The following PSTPIP2 variants were observed in gnomAD, a reference collection of about 807,000 sequenced individuals.
PSTPIP2 encodes proline-serine-threonine phosphatase-interacting protein 2.
Under a neutral mutation model 63.3 loss-of-function variants are expected in PSTPIP2, and 33 were observed. The observed-to-expected ratio is 0.52, with a 90% CI of 0.40 to 0.70. PSTPIP2 has a LOEUF of 0.70. Among genes scored for constraint, PSTPIP2 ranks in the 30% least tolerant of loss-of-function variants. The probability of loss-of-function intolerance (pLI) is 0.00; values close to 1 mark genes in which losing one functional copy is unlikely to be tolerated. For missense variants in PSTPIP2, 312 were observed against 400.7 expected, an observed-to-expected ratio of 0.78 and a Z score of 1.89; for synonymous variants, 125 against 132.7, an observed-to-expected ratio of 0.94 and a Z score of 0.40.
chr18:46,032,610 C>A (rs754334828), intron 2 of PSTPIP2, among the ~76,000 whole-genome samples: 1 of 151,848 alleles, frequency 6.6e-6, no homozygotes, highest in Non-Finnish European at 1.5e-5. Flanking sequence ...AAAAAATTAG[C>A]TGGTATGGTA....
intron 1 of PSTPIP2, among the ~76,000 whole-genome samples, chr18:46,053,655 C>A (rs900354843): frequency 3.3e-5 from 5 of 152,162 alleles, no homozygotes; most frequent in Non-Finnish European, 7.3e-5. Context: ...AACTTATACC[C>A]ACACAAACTT....
In PSTPIP2 at chr18:46,069,944, G is replaced by A. The variant is rs549539965; in HGVS notation, c.33+2212C>T. Among the ~76,000 whole-genome samples, 7 of 152,190 alleles carry A rather than the reference G, an allele frequency of 4.6e-5. No individual in the cohort carries two copies. The South Asian group carries it at 1.2e-3, about 27-fold the overall frequency. On this transcript the variant is annotated intron_variant, in intron 1 of 14. Coordinates refer to ENST00000409746, the MANE Select transcript of PSTPIP2 (RefSeq NM_024430.4). ...ACTTCTTTTACTTGTCACCTCTACT[G>A]CTGATAATAATAGCTGGCAACTATA...
chr18:45,990,726 T>C lies in PSTPIP2; in HGVS notation c.951A>G (p.Ser317=), dbSNP rs754908319. 2 of 1,604,708 alleles carry C rather than the reference T, an allele frequency of 1.2e-6. No homozygotes were observed. The highest frequency in any genetic ancestry group is 2.2e-5 in the South Asian group (2 of 90,758). Reference sequence around the variant, plus strand: ...AGACCTTTTTTAGTGGCATACCTGGTGAGCTTTTAGGAATTGGGAGGGGTC... The same window carrying C: ...AGACCTTTTTTAGTGGCATACCTGGCGAGCTTTTAGGAATTGGGAGGGGTC... The part of the protein sequence containing the change: ...RRGPLPIPKS[S]PDDPNYSLVD... Residue 317 remains serine (S), a synonymous_variant, in exon 13 of 15, where the codon TCA becomes TCG. Transcript: ENST00000409746.
chr18:46,061,473 G>A (rs940054143), intron 1 of PSTPIP2, among the ~76,000 whole-genome samples: 1 of 152,198 alleles, frequency 6.6e-6, no homozygotes, highest in Admixed American at 6.5e-5. Context: ...ATGCTGCCCA[G>A]GGAAAAGCAA....
intron 1 of PSTPIP2, among the ~76,000 whole-genome samples, chr18:46,050,265 C>T (rs770582114): frequency 6.6e-6 from 1 of 152,106 alleles, no homozygotes; most frequent in African/African-American, 2.4e-5. Context: ...ATGTTCAGTG[C>T]AGCATCATAA....
chr18:46,009,644 G>A (rs2051773993), intron 5 of PSTPIP2, among the ~76,000 whole-genome samples: 1 of 151,992 alleles, frequency 6.6e-6, no homozygotes, highest in Non-Finnish European at 1.5e-5. Flanking sequence ...TTATTAGGAT[G>A]AGGAAGTTTC....
intron 2 of PSTPIP2, among the ~76,000 whole-genome samples, chr18:46,027,203 G>A (rs1300009587): frequency 1.3e-5 from 2 of 152,002 alleles, no homozygotes; most frequent in Non-Finnish European, 2.9e-5. Context: ...GCTGAGGCAG[G>A]AGAATCGCTT....
Position 46,014,629 on chromosome 18 carries a change from C to T in PSTPIP2, c.247+1274G>A, listed in dbSNP as rs528925101. 5.3e-5 allele frequency among the ~76,000 whole-genome samples: 8 copies of T among 152,200 alleles called. No homozygotes were observed. In the South Asian group the frequency reaches 1.7e-3, roughly 32 times the overall value. ...TCAGAAGGCTGAGCCTGGAGGATCG[C>T]TTAACCCTGGGAGTGTGAGGCTGCA... On this transcript the variant is annotated intron_variant, in intron 4 of 14. Transcript: ENST00000409746.
At chr18:46,063,547 A>T (rs1909063905) in intron 1 of PSTPIP2, among the ~76,000 whole-genome samples, 1 of 152,080 alleles carries the variant, frequency 6.6e-6, no homozygotes. Flanking sequence ...TCCAGTGCAA[A>T]AGCTTGAGGG....
rs111327010 is a variant in PSTPIP2, at chr18:46,058,337, T to C, written c.33+13819A>G. On this transcript the variant is annotated intron_variant, in intron 1 of 14. Transcript: ENST00000409746. ...GTTTTGATATTTTACAATAAGCATG[T>C]GTTATATTCCTAGTTTTTTTTTGTT... 5.9e-3 allele frequency among the ~76,000 whole-genome samples: 897 copies of C among 152,100 alleles called. 17 individuals carry two copies. Among genetic ancestry groups the C allele is most frequent in the Admixed American group, 0.034 (523 of 15,266 alleles).
At chr18:45,990,396 T>C (rs1302554465) in intron 13 of PSTPIP2, among the ~76,000 whole-genome samples, 1 of 152,168 alleles carries the variant, frequency 6.6e-6, no homozygotes, top group African/African-American at 2.4e-5. Context: ...AAACCCAATA[T>C]AAGAATTTCG....
At chr18:45,999,008 T>C (rs939438789) in intron 7 of PSTPIP2, among the ~76,000 whole-genome samples, 169 bp from the exon 8 acceptor site, 2 of 152,180 alleles carry the variant, frequency 1.3e-5, no homozygotes, top group Admixed American at 6.5e-5. Flanking sequence ...CCTGCAATCT[T>C]ATCAATCTTG....
chr18:46,049,024 G>A (rs1439622752), intron 1 of PSTPIP2, among the ~76,000 whole-genome samples: 1 of 143,970 alleles, frequency 6.9e-6, no homozygotes, highest in Non-Finnish European at 1.5e-5. Context: ...GTGTGTGTGT[G>A]TGTGTGTGTG....
At chr18:46,047,402 G>A (rs1362629014) in intron 1 of PSTPIP2, among the ~76,000 whole-genome samples, 3 of 152,126 alleles carry the variant, frequency 2.0e-5, no homozygotes, top group Non-Finnish European at 2.9e-5. Flanking sequence ...GTGAAACCTC[G>A]TCTCTACTAC....
chr18:46,056,612 A>G (rs1908764493), intron 1 of PSTPIP2, among the ~76,000 whole-genome samples: 1 of 152,178 alleles, frequency 6.6e-6, no homozygotes, highest in Admixed American at 6.5e-5. Flanking sequence ...CTGTGGTCCC[A>G]GCTACTCCGG....
chr18:46,072,156 C>A lies in PSTPIP2; in HGVS notation c.33G>T (p.Trp11Cys). Residue 11 changes from tryptophan to cysteine, a missense_variant and splice_region_variant, in exon 1 of 15, where the codon TGG becomes TGT. Transcript: ENST00000409746. ...ATCCGCTGTCGGCCCCACGACTTACCCAAAAGTTTCCCTTGAACAGTGAGC... is the reference window on the plus strand; with the variant it reads ...ATCCGCTGTCGGCCCCACGACTTACACAAAAGTTTCCCTTGAACAGTGAGC... MTRSLFKGNFWSADILSTIGY... is the reference protein window; with the variant it reads MTRSLFKGNFCSADILSTIGY... 1 of 1,535,812 alleles carries A rather than the reference C, an allele frequency of 6.5e-7. No homozygotes were observed. Among genetic ancestry groups the A allele is most frequent in the East Asian group, 2.5e-5 (1 of 39,402 alleles).
At chr18:46,049,807 G>A (rs1485057022) in intron 1 of PSTPIP2, among the ~76,000 whole-genome samples, 2 of 152,184 alleles carry the variant, frequency 1.3e-5, no homozygotes, top group African/African-American at 4.8e-5. Context: ...TTGAACCTGG[G>A]AGATGGAGGT....
chr18:46,059,667 A>T (rs1908920612), intron 1 of PSTPIP2, among the ~76,000 whole-genome samples: 1 of 152,220 alleles, frequency 6.6e-6, no homozygotes, highest in African/African-American at 2.4e-5. Flanking sequence ...ACAATAGTTG[A>T]TATTTGCTAT....
intron 5 of PSTPIP2, among the ~76,000 whole-genome samples, chr18:46,009,730 A>T (rs1377552644): frequency 6.6e-6 from 1 of 152,224 alleles, no homozygotes; most frequent in Admixed American, 6.5e-5. Flanking sequence ...ACATGCAAGG[A>T]AATGATTCTC....
Sources: allele counts gnomAD v4.1 joint callset (sites outside exome capture counted in the v4.1 genomes callset), GRCh38; gene constraint gnomAD v4.1.1; transcripts MANE v1.5; gene names NCBI Gene and HGNC (gene_info 2026-07-23, HGNC 2026-07-21).